Variants in NCALD observed in about 807,000 individuals in gnomAD.
NCALD encodes the protein neurocalcin-delta.
NCALD carries 10 observed loss-of-function variants against 18.6 expected under a neutral mutation model. That is an observed-to-expected ratio of 0.54 (90% CI 0.33 to 0.91). NCALD has a LOEUF of 0.91. Among genes scored for constraint, NCALD ranks in the 40% least tolerant of loss-of-function variants. The pLI is 0.03. For missense variants in NCALD, 184 were observed against 247.6 expected (o/e 0.74, Z 1.72); for synonymous variants, 88 against 87.4 (o/e 1.01, Z -0.04).
At chr8:101,893,264 A>C (rs1006093428) in intron 3 of NCALD, among the ~76,000 whole-genome samples, 1 of 151,540 alleles carries the variant, frequency 6.6e-6, no homozygotes, top group Non-Finnish European at 1.5e-5. Context: ...AGCCAAACTA[A>C]GCTTCATAAG....
At chr8:102,059,787 A>G (rs1164871824) in intron 1 of NCALD, among the ~76,000 whole-genome samples, 1 of 152,084 alleles carries the variant, frequency 6.6e-6, no homozygotes, top group Non-Finnish European at 1.5e-5. Flanking sequence ...CCCAGTCTTA[A>G]GTGACAGATT....
chr8:102,012,549 T>C (rs999664614), intron 2 of NCALD, among the ~76,000 whole-genome samples: 1 of 152,238 alleles, frequency 6.6e-6, no homozygotes, highest in Admixed American at 6.5e-5. Context: ...AACACTCCTC[T>C]AGTGCGGGGA....
At position 101,688,886 on chromosome 8, in the gene NCALD, CT is replaced by C. The variant is rs1307661322; in HGVS notation, c.*422del. On this transcript the variant is annotated 3_prime_UTR_variant, in exon 4 of 4. Transcript: ENST00000220931. ...CAGCATCCGGTGCCATCCATCACCC[CT>C]ACGGCACGTGTGACAACAGATTCAG... The C allele has an allele frequency of 3.2e-6, 2 of 626,112 alleles. No individual in the cohort carries two copies. The highest frequency in any genetic ancestry group is 2.6e-5 in the Admixed American group (1 of 38,776). 38.8% of individuals were successfully genotyped at this position (626,112 alleles called of 1,614,324 possible). A position where few individuals can be genotyped will look rare whatever the true frequency, so the allele number is the denominator to read the frequency against.
chr8:101,935,076 G>A (rs183022225), intron 2 of NCALD, among the ~76,000 whole-genome samples: 12 of 152,198 alleles, frequency 7.9e-5, no homozygotes, highest in South Asian at 2.1e-4. Context: ...AAGCAGATGC[G>A]CTAGAGAAAG....
intron 2 of NCALD, among the ~76,000 whole-genome samples, chr8:101,716,269 T>C (rs1178217235): frequency 6.6e-6 from 1 of 150,928 alleles, no homozygotes; most frequent in Admixed American, 6.6e-5. Flanking sequence ...AGTTGAACAA[T>C]GAGAATATAT....
intron 3 of NCALD, among the ~76,000 whole-genome samples, chr8:101,913,823 C>T (rs1199934489): frequency 6.6e-6 from 1 of 152,220 alleles, no homozygotes; most frequent in Admixed American, 6.5e-5. Context: ...CTCACGTGAT[C>T]TGCCTGCCTT....
At chr8:101,918,695 T>A (rs1818057214) in intron 2 of NCALD, among the ~76,000 whole-genome samples, 1 of 151,376 alleles carries the variant, frequency 6.6e-6, no homozygotes, top group South Asian at 2.1e-4. Context: ...ACTAACAATG[T>A]TCAAGCTGAG....
chr8:101,908,073 G>GGATAAGCA (rs1291804251), intron 3 of NCALD, among the ~76,000 whole-genome samples: 1 of 152,036 alleles, frequency 6.6e-6, no homozygotes, highest in Non-Finnish European at 1.5e-5. Context: ...GTAAACAGCA[G>GGATAAGCA]GATAAGCAAG....
intron 1 of NCALD, among the ~76,000 whole-genome samples, chr8:102,054,660 CGATAGATAGATAGATAGATAGATAGATA>C (rs10617345): frequency 4.1e-4 from 58 of 142,406 alleles, no homozygotes; most frequent in African/African-American, 1.4e-3. Flanking sequence ...CTTTCTCTTC[CGATAGATAGATAGATAGATAGATAGATA>C]GATAGATAGA....
chr8:102,023,483 A>G (rs1822349254), intron 1 of NCALD, among the ~76,000 whole-genome samples: 2 of 152,286 alleles, frequency 1.3e-5, no homozygotes, highest in Non-Finnish European at 1.5e-5. Flanking sequence ...AGACAAATAA[A>G]TAAACAAAAA....
At chr8:101,820,965 A>T (rs1813697029) in intron 4 of NCALD, among the ~76,000 whole-genome samples, 1 of 152,240 alleles carries the variant, frequency 6.6e-6, no homozygotes, top group South Asian at 2.1e-4. Flanking sequence ...CAGAAAACTC[A>T]TGGTAAGTAA....
At chr8:102,021,536 G>T (rs538139173) in intron 1 of NCALD, among the ~76,000 whole-genome samples, 45 of 152,250 alleles carry the variant, frequency 3.0e-4, no homozygotes, top group African/African-American at 9.9e-4. Context: ...ATTGGCTTAC[G>T]TATTCACATC....
At chr8:101,690,755 T>C (rs965521319) in intron 3 of NCALD, 1 of 985,350 alleles carries the variant, frequency 1.0e-6, no homozygotes, top group Non-Finnish European at 1.2e-6. Flanking sequence ...GTGCTGGCCA[T>C]TTTTTATGAG....
intron 2 of NCALD, among the ~76,000 whole-genome samples, chr8:102,000,526 G>C (rs893008390): frequency 6.6e-6 from 1 of 152,214 alleles, no homozygotes; most frequent in Non-Finnish European, 1.5e-5. Context: ...GCTTTGAAGA[G>C]AGTAGTGGTT....
chr8:101,730,722 T>C (rs944824573), intron 1 of NCALD, among the ~76,000 whole-genome samples: 2 of 152,186 alleles, frequency 1.3e-5, no homozygotes, highest in Non-Finnish European at 2.9e-5. Context: ...CTAATTCCCC[T>C]TGATAGACAT....
intron 1 of NCALD, among the ~76,000 whole-genome samples, chr8:102,062,176 G>C (rs1004864600): frequency 6.6e-6 from 1 of 152,198 alleles, no homozygotes; most frequent in African/African-American, 2.4e-5. Flanking sequence ...GGCTGAGGTG[G>C]GAGGATCACT....
At chr8:101,892,189 A>C (rs1292932181) in intron 3 of NCALD, among the ~76,000 whole-genome samples, 1 of 149,870 alleles carries the variant, frequency 6.7e-6, no homozygotes, top group Non-Finnish European at 1.5e-5. Flanking sequence ...CTGCCTCCTC[A>C]AGTGGGTCCC....
chr8:101,756,021 G>A (rs752132084), intron 1 of NCALD, among the ~76,000 whole-genome samples: 4 of 152,076 alleles, frequency 2.6e-5, no homozygotes, highest in Non-Finnish European at 5.9e-5. Context: ...CACACTGTGT[G>A]CTGAGCTGTC....
At chr8:101,953,044 AAGCCC>A (rs1819492812) in intron 2 of NCALD, among the ~76,000 whole-genome samples, 1 of 151,966 alleles carries the variant, frequency 6.6e-6, no homozygotes, top group Admixed American at 6.6e-5. Flanking sequence ...CTCTGCTAAC[AAGCCC>A]AGATTTCTCA....
Sources: gnomAD v4.1 joint callset for allele counts (sites outside exome capture counted in the v4.1 genomes callset) on GRCh38, gnomAD v4.1.1 for gene constraint, MANE v1.5 for transcripts, NCBI Gene and HGNC (gene_info 2026-07-23, HGNC 2026-07-21) for gene names.